The following CCSER1 variants were observed in gnomAD, a reference collection of about 807,000 sequenced individuals.
The protein encoded by CCSER1 is coiled-coil serine rich protein 1, also known as serine-rich coiled-coil domain-containing protein 1.
Under a neutral mutation model 82.0 loss-of-function variants are expected in CCSER1, and 41 were observed. The observed-to-expected ratio is 0.50, with a 90% CI of 0.39 to 0.65. CCSER1 has a LOEUF of 0.65. Ranked by LOEUF, CCSER1 falls within the 30% of genes least tolerant of loss-of-function variation. The pLI is 0.00. For missense variants in CCSER1, 1,119 were observed against 1,064.2 expected, an observed-to-expected ratio of 1.05 and a Z score of -0.72; for synonymous variants, 414 against 383.9, an observed-to-expected ratio of 1.08 and a Z score of -0.92.
chr4:90,984,701 T>G (rs1389200115), intron 9 of CCSER1, among the ~76,000 whole-genome samples: 1 of 151,752 alleles, frequency 6.6e-6, no homozygotes, highest in Non-Finnish European at 1.5e-5. Context: ...AAGCACTAGT[T>G]ATTAAAGAGT....
At chr4:90,568,098 G>T (rs1779622866) in intron 5 of CCSER1, among the ~76,000 whole-genome samples, 1 of 152,188 alleles carries the variant, frequency 6.6e-6, no homozygotes, top group African/African-American at 2.4e-5. Context: ...AATTTGTTTT[G>T]TGGCCTAACA....
intron 3 of CCSER1, among the ~76,000 whole-genome samples, chr4:90,318,986 T>C (rs1329788326): frequency 6.6e-6 from 1 of 152,220 alleles, no homozygotes; most frequent in Non-Finnish European, 1.5e-5. Flanking sequence ...ATGCTTCATT[T>C]GGATTGTGAG....
rs534522046 is a variant in CCSER1 at position 90,754,489 on chromosome 4, T to C, written c.2010+30498T>C. 2.0e-5 allele frequency among the ~76,000 whole-genome samples: 3 copies of C among 152,278 alleles called. No individual in the cohort carries two copies. The East Asian group carries it at 5.8e-4, about 29-fold the overall frequency. On this transcript the variant is annotated intron_variant, in intron 7 of 10. Transcript: ENST00000509176. ...CATCCTTTGGTTGGTAATGGATTTA[T>C]TCTGATCTAGTCCCTGTCTTCATCC... is the stretch of plus-strand genomic sequence containing the variant.
intron 9 of CCSER1, among the ~76,000 whole-genome samples, chr4:90,930,475 G>A (rs1430456075): frequency 6.6e-6 from 1 of 151,878 alleles, no homozygotes; most frequent in African/African-American, 2.4e-5. Flanking sequence ...CGTAGGTGGT[G>A]CACGCCTGTA....
At chr4:90,968,846 A>G (rs979217060) in intron 9 of CCSER1, among the ~76,000 whole-genome samples, 2 of 150,868 alleles carry the variant, frequency 1.3e-5, no homozygotes, top group Admixed American at 6.7e-5. Flanking sequence ...TTAGAGATCT[A>G]TGAAATATCT....
intron 10 of CCSER1, among the ~76,000 whole-genome samples, chr4:91,134,100 A>G (rs952192809): frequency 5.3e-5 from 8 of 152,158 alleles, no homozygotes; most frequent in Admixed American, 3.3e-4. Flanking sequence ...TTCTGTCTCA[A>G]AAAAAGAGTA....
rs147704890 is a variant in CCSER1, at chr4:91,109,972, G to C, written c.2217+23978G>C. 4.6e-3 allele frequency among the ~76,000 whole-genome samples: 701 copies of C among 152,148 alleles called. 4 individuals carry two copies. Among genetic ancestry groups the C allele is most frequent in the Middle Eastern group, 6.8e-3 (2 of 294 alleles). ...TGATTATATAATAGAAGGCAGGATA[G>C]TATATTAAACTTTTTATATAGCACG... On this transcript the variant is annotated intron_variant, in intron 10 of 10. Coordinates refer to ENST00000509176, the MANE Select transcript of CCSER1 (RefSeq NM_001145065.2).
intron 4 of CCSER1, among the ~76,000 whole-genome samples, chr4:90,415,624 T>C (rs145286487): frequency 0.015 from 2,300 of 152,334 alleles, 34 homozygotes; most frequent in Middle Eastern, 0.027. Flanking sequence ...TGTTATCAAA[T>C]AACTGGTTAA....
chr4:91,581,311 C>A (rs933658948), intron 10 of CCSER1, among the ~76,000 whole-genome samples: 1 of 151,786 alleles, frequency 6.6e-6, no homozygotes, highest in East Asian at 1.9e-4. Flanking sequence ...TTCATATACA[C>A]GTTTTTCTTG....
rs555265473 is a variant in CCSER1 at position 91,114,004 on chromosome 4, T to C, written c.2217+28010T>C. The stretch of plus-strand genomic sequence containing the variant: ...AGTAGTTGGGACCACAGGCGCCCAC[T>C]ACCACGCCCGGCTAATTTTTTGTAT... On this transcript the variant is annotated intron_variant, in intron 10 of 10. Transcript: ENST00000509176. Among the ~76,000 whole-genome samples, 13 of 152,124 alleles carry C rather than the reference T, an allele frequency of 8.5e-5. No homozygotes were observed. In the South Asian group the frequency reaches 2.7e-3, roughly 32 times the overall value.
intron 10 of CCSER1, among the ~76,000 whole-genome samples, chr4:91,202,749 G>A (rs376347078): frequency 5.8e-4 from 88 of 151,644 alleles, no homozygotes; most frequent in African/African-American, 2.0e-3. Flanking sequence ...ATATATGCAC[G>A]TACACATATA....
At chr4:90,817,737 T>A (rs1437660426) in intron 8 of CCSER1, among the ~76,000 whole-genome samples, 1 of 152,070 alleles carries the variant, frequency 6.6e-6, no homozygotes, top group East Asian at 1.9e-4. Flanking sequence ...AGAGGAAACA[T>A]GGTTGGAAAA....
chr4:90,489,985 T>C (rs564544959), intron 5 of CCSER1, among the ~76,000 whole-genome samples: 2 of 152,326 alleles, frequency 1.3e-5, no homozygotes, highest in South Asian at 4.1e-4. Flanking sequence ...TAAACATACG[T>C]GTGCATGTGT....
intron 6 of CCSER1, among the ~76,000 whole-genome samples, chr4:90,645,974 G>T (rs908805255): frequency 1.3e-5 from 2 of 152,094 alleles, no homozygotes; most frequent in African/African-American, 4.8e-5. Context: ...TAACATCCAA[G>T]ACTATGTATC....
intron 1 of CCSER1, 147 bp from the exon 2 acceptor site, chr4:90,308,097 C>A: frequency 1.8e-6 from 1 of 541,636 alleles, no homozygotes; most frequent in Non-Finnish European, 3.0e-6. Context: ...TTCAAAAAAT[C>A]TTTATTAGGT....
At chr4:90,855,922 A>G (rs778771477) in intron 8 of CCSER1, among the ~76,000 whole-genome samples, 27 of 152,092 alleles carry the variant, frequency 1.8e-4, no homozygotes, top group Non-Finnish European at 3.4e-4. Flanking sequence ...CATTTCACAC[A>G]TTCATTCATT....
intron 9 of CCSER1, among the ~76,000 whole-genome samples, chr4:91,035,431 A>T (rs2150564909): frequency 6.6e-6 from 1 of 152,288 alleles, no homozygotes; most frequent in East Asian, 1.9e-4. Flanking sequence ...GAGTAAATGC[A>T]CAGTGTAGTT....
rs551590530 is a variant in CCSER1, at chr4:90,983,192, C to T, written c.2172+59745C>T. 6.0e-5 allele frequency among the ~76,000 whole-genome samples: 9 copies of T among 150,768 alleles called. No homozygotes were observed. In the South Asian group the frequency reaches 1.9e-3, roughly 31 times the overall value. ...CCATTTGAATCCCATTTTTTTTTGT[C>T]CTTGGATAAATGTAATCAATAATTA... On this transcript the variant is annotated intron_variant, in intron 9 of 10. Transcript: ENST00000509176.
intron 1 of CCSER1, among the ~76,000 whole-genome samples, chr4:90,204,921 T>C (rs1738500877): frequency 6.6e-6 from 1 of 152,210 alleles, no homozygotes; most frequent in African/African-American, 2.4e-5. Flanking sequence ...CCCTTGTAAG[T>C]TGTATTCCTA....
Sources: allele counts gnomAD v4.1 joint callset (sites outside exome capture counted in the v4.1 genomes callset), GRCh38; gene constraint gnomAD v4.1.1; transcripts MANE v1.5; gene names NCBI Gene and HGNC (gene_info 2026-07-23, HGNC 2026-07-21).